The following ASIC2 variants were observed in gnomAD, a reference collection of about 807,000 sequenced individuals.
ASIC2 encodes the protein acid-sensing ion channel 2.
In ASIC2, 25 loss-of-function variants were observed where a neutral mutation model predicts 57.3. That is an observed-to-expected ratio of 0.44 (90% CI 0.32 to 0.61). The LOEUF (loss-of-function observed/expected upper bound fraction) is 0.61. Ranked by LOEUF, ASIC2 falls within the 20% of genes least tolerant of loss-of-function variation. ASIC2 has a pLI of 0.06. For synonymous variants in ASIC2, 319 were observed against 307.5 expected (o/e 1.04, Z -0.39); for missense variants, 641 against 738.1 (o/e 0.87, Z 1.52).
chr17:33,289,374 C>T (rs1297503828), intron 1 of ASIC2, among the ~76,000 whole-genome samples: 1 of 152,156 alleles, frequency 6.6e-6, no homozygotes, highest in Non-Finnish European at 1.5e-5. Flanking sequence ...TCAGGTGGCT[C>T]CTGAAGGGAC....
At chr17:34,031,368 CCAT>C (rs1357808231) in intron 1 of ASIC2, among the ~76,000 whole-genome samples, 10 of 152,110 alleles carry the variant, frequency 6.6e-5, no homozygotes, top group African/African-American at 1.9e-4. Context: ...CTGTACCTCA[CCAT>C]CATCAAAGAC....
At chr17:33,239,372 C>T (rs1908420220) in intron 1 of ASIC2, among the ~76,000 whole-genome samples, 2 of 152,120 alleles carry the variant, frequency 1.3e-5, no homozygotes, top group African/African-American at 4.8e-5. Context: ...CCCAGAAATC[C>T]CTGCTCCCAT....
intron 1 of ASIC2, among the ~76,000 whole-genome samples, chr17:33,783,579 T>C (rs966668173): frequency 3.9e-5 from 6 of 152,238 alleles, no homozygotes; most frequent in Non-Finnish European, 8.8e-5. Flanking sequence ...GCCTGCCACA[T>C]GGTAGATGAA....
In ASIC2 at chr17:33,115,517, G is replaced by A. The variant is rs929222580; in HGVS notation, c.709-3450C>T. On this transcript the variant is annotated intron_variant, in intron 1 of 9. Transcript: ENST00000225823. ...GCCTCTTCAGTCCCCAGGATGTGCA[G>A]CAAGCTCTTCCCCGCCAGGCATTTC... 2.6e-5 allele frequency among the ~76,000 whole-genome samples: 4 copies of A among 152,256 alleles called. No individual in the cohort carries two copies. The South Asian group carries it at 8.3e-4, about 32-fold the overall frequency.
chr17:33,959,941 T>A (rs1904865672), intron 1 of ASIC2, among the ~76,000 whole-genome samples: 1 of 152,220 alleles, frequency 6.6e-6, no homozygotes, highest in Admixed American at 6.5e-5. Context: ...TAGAGCCCAA[T>A]GTCTCCTTTT....
chr17:33,449,055 A>G (rs2141988972), intron 1 of ASIC2, among the ~76,000 whole-genome samples: 1 of 152,318 alleles, frequency 6.6e-6, no homozygotes, highest in African/African-American at 2.4e-5. Flanking sequence ...CATTTGGTGG[A>G]TTACATGAGA....
At chr17:33,628,465 A>G (rs1906057072) in intron 1 of ASIC2, among the ~76,000 whole-genome samples, 1 of 150,758 alleles carries the variant, frequency 6.6e-6, no homozygotes, top group Non-Finnish European at 1.5e-5. Flanking sequence ...CTAGTTTTTA[A>G]ATTTTTTTTT....
chr17:33,474,838 T>A (rs141130840), intron 1 of ASIC2, among the ~76,000 whole-genome samples: 93 of 152,238 alleles, frequency 6.1e-4, no homozygotes, highest in African/African-American at 2.0e-3. Flanking sequence ...TAAATATGGT[T>A]GCGTGTGACC....
intron 1 of ASIC2, among the ~76,000 whole-genome samples, chr17:33,377,182 C>T (rs1423215526): frequency 6.6e-6 from 1 of 152,120 alleles, no homozygotes; most frequent in Non-Finnish European, 1.5e-5. Flanking sequence ...TCCTGAGTAG[C>T]TGGGACTACA....
chr17:33,075,159 T>C (rs2092084486), intron 3 of ASIC2, among the ~76,000 whole-genome samples: 2 of 152,172 alleles, frequency 1.3e-5, no homozygotes, highest in African/African-American at 4.8e-5. Context: ...GTTTCCTCCA[T>C]ACTGTTCTCA....
intron 1 of ASIC2, among the ~76,000 whole-genome samples, chr17:34,110,913 C>T (rs1218566977): frequency 1.3e-5 from 2 of 152,122 alleles, no homozygotes; most frequent in Non-Finnish European, 2.9e-5. Context: ...TCATTCCCGT[C>T]CTGTTACCCT....
chr17:33,078,250 G>C lies in ASIC2; in HGVS notation c.987+10613C>G, dbSNP rs1363515978. Among the ~76,000 whole-genome samples the C allele has an allele frequency of 2.0e-5, 3 of 152,044 alleles. No individual in the cohort carries two copies. The East Asian group carries it at 5.8e-4, about 29-fold the overall frequency. On this transcript the variant is annotated intron_variant, in intron 3 of 9. Transcript: ENST00000225823. ...CAGATCCAGTGCTGAGTGGGTGCAGGAGCAGCCAGTTCTCCCTGGAGATGC... is the reference window on the plus strand; with the variant it reads ...CAGATCCAGTGCTGAGTGGGTGCAGCAGCAGCCAGTTCTCCCTGGAGATGC...
rs184832378 is a variant in ASIC2, at chr17:34,122,706, C to T, written c.555+33272G>A. Among the ~76,000 whole-genome samples the T allele has an allele frequency of 1.8e-3, 277 of 152,314 alleles. 1 individual carries two copies. The highest frequency in any genetic ancestry group is 2.7e-3 in the Non-Finnish European group (183 of 68,024). ...TACAGTGTGTAGTGGTGAACAGAGT[C>T]CAGGCAGGGGAGGCACCCTCCCCCA... On this transcript the variant is annotated intron_variant, in intron 1 of 9. Coordinates refer to the ASIC2 transcript ENST00000359872.
intron 1 of ASIC2, among the ~76,000 whole-genome samples, chr17:33,384,256 T>C (rs1909593564): frequency 6.6e-6 from 1 of 152,202 alleles, no homozygotes; most frequent in Admixed American, 6.5e-5. Context: ...ATACCCAAGA[T>C]TTTGTCACAT....
intron 1 of ASIC2, among the ~76,000 whole-genome samples, chr17:33,608,575 TG>T (rs66540184): frequency 0.26 from 39,021 of 151,638 alleles, 5,355 homozygotes; most frequent in African/African-American, 0.32. Flanking sequence ...TAGTAGTGCC[TG>T]GGGGGGTCTC....
At chr17:33,317,509 TA>T (rs1347811762) in intron 1 of ASIC2, among the ~76,000 whole-genome samples, 2 of 152,234 alleles carry the variant, frequency 1.3e-5, no homozygotes, top group Non-Finnish European at 2.9e-5. Context: ...GACCTTCATC[TA>T]AGGGACACCC....
intron 1 of ASIC2, among the ~76,000 whole-genome samples, chr17:33,396,184 G>A (rs1193996588): frequency 1.3e-5 from 2 of 152,126 alleles, no homozygotes; most frequent in Admixed American, 6.6e-5. Context: ...CCCAGAGAGG[G>A]GCAGTGCCTT....
intron 1 of ASIC2, among the ~76,000 whole-genome samples, chr17:34,075,855 G>A (rs1271433583): frequency 1.4e-4 from 15 of 109,722 alleles, no homozygotes; most frequent in Non-Finnish European, 2.4e-4. Context: ...TTTTGAGACA[G>A]AGTCTTGCTG....
Position 33,034,700 on chromosome 17 carries a change from T to C in ASIC2, c.988-6308A>G, listed in dbSNP as rs372650450. ...ATGAGAATCAGTCATATTCTTTTTA[T>C]TGTTCCCTGCAGGTATTATGCCCCC... is the stretch of plus-strand genomic sequence containing the variant. On this transcript the variant is annotated intron_variant, in intron 3 of 9. Transcript: ENST00000225823. Among the ~76,000 whole-genome samples the C allele has an allele frequency of 2.8e-4, 43 of 152,316 alleles. 1 individual carries two copies. Among genetic ancestry groups the C allele is most frequent in the Admixed American group, 2.0e-3 (31 of 15,304 alleles).
Sources: gnomAD v4.1 joint callset for allele counts (sites outside exome capture counted in the v4.1 genomes callset) on GRCh38, gnomAD v4.1.1 for gene constraint, MANE v1.5 for transcripts, NCBI Gene and HGNC (gene_info 2026-07-23, HGNC 2026-07-21) for gene names.